Variants in MED30 observed in about 807,000 individuals in gnomAD.
MED30 encodes mediator complex subunit 30, also known as mediator of RNA polymerase II transcription subunit 30.
Under a neutral mutation model 21.7 loss-of-function variants are expected in MED30, and 8 were observed. The observed-to-expected ratio is 0.37, with a 90% CI of 0.22 to 0.67. The LOEUF (loss-of-function observed/expected upper bound fraction) is 0.67. Ranked by LOEUF, MED30 falls within the 30% of genes least tolerant of loss-of-function variation. The pLI is 0.58. For missense variants in MED30, 203 were observed against 228.2 expected (o/e 0.89, Z 0.71); for synonymous variants, 79 against 86.7 (o/e 0.91, Z 0.49).
intron 3 of MED30, among the ~76,000 whole-genome samples, chr8:117,531,720 G>A (rs946808745): frequency 6.6e-6 from 1 of 151,202 alleles, no homozygotes; most frequent in Non-Finnish European, 1.5e-5. Context: ...TTTTCTTTTA[G>A]ATAAATACCC....
At chr8:117,535,792 A>T (rs1818870098) in intron 3 of MED30, among the ~76,000 whole-genome samples, 1 of 152,090 alleles carries the variant, frequency 6.6e-6, no homozygotes, top group African/African-American at 2.4e-5. Flanking sequence ...TTACTAGGTG[A>T]TAGAGTTTTA....
chr8:117,524,101 G>A (rs1350904298), intron 1 of MED30: 1 of 158,066 alleles, frequency 6.3e-6, no homozygotes, highest in Admixed American at 6.1e-5. Flanking sequence ...CAGCTTTTGA[G>A]GGACTATGAT....
At position 117,520,931 on chromosome 8, in the gene MED30, C is replaced by T; in HGVS notation, c.55C>T (p.Pro19Ser). Residue 19 changes from proline to serine, a missense_variant, in exon 1 of 4, where the codon CCC becomes TCC. By Grantham distance (74) the Pro-to-Ser change is moderately conservative (BLOSUM62 -1). Transcript: ENST00000297347. ...GATGGCGCCCGGGCCCTTCGCCGGG[C>T]CCCAGGCTCAGCAGGCCGCCCGGGA... is the stretch of plus-strand genomic sequence containing the variant. ...SGMAPGPFAG[P>S]QAQQAAREVN... The T allele has an allele frequency of 6.2e-7, 1 of 1,611,250 alleles. No homozygotes were observed. The highest frequency in any genetic ancestry group is 8.5e-7 in the Non-Finnish European group (1 of 1,178,898).
intron 3 of MED30, among the ~76,000 whole-genome samples, chr8:117,536,341 T>C (rs1342204789): frequency 6.6e-6 from 1 of 152,302 alleles, no homozygotes; most frequent in East Asian, 1.9e-4. Context: ...GCTTTATAGA[T>C]CTGTGTAATT....
intron 1 of MED30, among the ~76,000 whole-genome samples, chr8:117,526,280 T>A (rs890432579): frequency 3.3e-5 from 5 of 152,004 alleles, no homozygotes; most frequent in Non-Finnish European, 1.5e-5. Context: ...TGTTTCAACA[T>A]TTTTTTCTCT....
At chr8:117,527,253 TC>T (rs149336025) in intron 1 of MED30, among the ~76,000 whole-genome samples, 1 of 152,070 alleles carries the variant, frequency 6.6e-6, no homozygotes, top group African/African-American at 2.4e-5. Flanking sequence ...GGAGGAGAAA[TC>T]TTACATTGTA....
intron 3 of MED30, among the ~76,000 whole-genome samples, chr8:117,537,867 T>C (rs1346594103): frequency 6.6e-6 from 1 of 152,096 alleles, no homozygotes; most frequent in Admixed American, 6.6e-5. Flanking sequence ...CCTTAGATTT[T>C]ATAATCCAAT....
intron 3 of MED30, among the ~76,000 whole-genome samples, chr8:117,533,116 T>A (rs1162514301): frequency 1.3e-5 from 2 of 152,134 alleles, no homozygotes; most frequent in Non-Finnish European, 2.9e-5. Flanking sequence ...TTTTATAATA[T>A]TTTGTAAAAA....
Position 117,528,677 on chromosome 8 carries a change from T to C in MED30, c.204T>C (p.Thr68=). The change falls in exon 2 of 4, where the codon ACT becomes ACC. Residue 68 remains threonine, a synonymous_variant. Coordinates refer to ENST00000297347, the MANE Select transcript of MED30 (RefSeq NM_080651.4). The part of the protein sequence containing the change: ...MQLPNGVTYH[T]GTYQDRLTKL... ...TGCCAAATGGTGTCACTTACCACACTGGAACATATCAAGACCGGTTAACAA... is the reference window on the plus strand; with the variant it reads ...TGCCAAATGGTGTCACTTACCACACCGGAACATATCAAGACCGGTTAACAA... 3 of 1,604,314 alleles carry C rather than the reference T, an allele frequency of 1.9e-6. No individual in the cohort carries two copies. The highest frequency in any genetic ancestry group is 2.7e-5 in the African/African-American group (2 of 74,518).
At chr8:117,526,891 G>C (rs1333626194) in intron 1 of MED30, among the ~76,000 whole-genome samples, 3 of 151,956 alleles carry the variant, frequency 2.0e-5, no homozygotes, top group Non-Finnish European at 1.5e-5. Context: ...CTTTATGACA[G>C]TATTTATCAA....
chr8:117,536,559 G>T (rs748479915), intron 3 of MED30, among the ~76,000 whole-genome samples: 2 of 152,038 alleles, frequency 1.3e-5, no homozygotes, highest in African/African-American at 4.8e-5. Flanking sequence ...CTATTTAGTC[G>T]TTATGGTCTG....
At chr8:117,539,692 A>G (rs891250683) in intron 3 of MED30, among the ~76,000 whole-genome samples, 191 bp from the exon 4 acceptor site, 3 of 152,220 alleles carry the variant, frequency 2.0e-5, no homozygotes, top group Non-Finnish European at 4.4e-5. Context: ...TGCAGGCTGG[A>G]TTTTTAGAAT....
rs1818953205 is a variant in MED30 at position 117,540,028 on chromosome 8, C to T, written c.*50C>T. ...ACACATGTTATACCATTGTTTTTTC[C>T]CTCAAGTATTTTTTCCCTGTGAAGA... On this transcript the variant is annotated 3_prime_UTR_variant, in exon 4 of 4. Coordinates refer to ENST00000297347, the MANE Select transcript of MED30 (RefSeq NM_080651.4). 2 of 1,084,632 alleles carry T rather than the reference C, an allele frequency of 1.8e-6. No individual in the cohort carries two copies. The highest frequency in any genetic ancestry group is 2.1e-4 in the Middle Eastern group (1 of 4,754). The allele number at this position is 1,084,632 out of a possible 1,614,324, so 67.2% of individuals were successfully genotyped here.
intron 3 of MED30, among the ~76,000 whole-genome samples, chr8:117,536,556 G>C (rs912225338): frequency 4.6e-5 from 7 of 152,058 alleles, no homozygotes; most frequent in Non-Finnish European, 7.4e-5. Context: ...TTACTATTTA[G>C]TCGTTATGGT....
At chr8:117,523,812 G>C in intron 1 of MED30, 2 of 625,950 alleles carry the variant, frequency 3.2e-6, no homozygotes, top group Non-Finnish European at 5.4e-6. Flanking sequence ...TTCGAGACCA[G>C]CCTAGCCAAC....
intron 3 of MED30, among the ~76,000 whole-genome samples, chr8:117,536,765 A>G (rs1818884659): frequency 6.6e-6 from 1 of 152,174 alleles, no homozygotes; most frequent in Non-Finnish European, 1.5e-5. Context: ...CCAAATACCC[A>G]TTTAAAGGAT....
chr8:117,539,979 G>A lies in MED30; in HGVS notation c.*1G>A. 1 of 1,565,938 alleles carries A rather than the reference G, an allele frequency of 6.4e-7. No individual in the cohort carries two copies. On this transcript the variant is annotated 3_prime_UTR_variant, in exon 4 of 4. Transcript: ENST00000297347. ...TGCCATGTTGGCAATGAGGAACTAA[G>A]CTGATATTTAAATTTCCTGCTTTAC...
intron 1 of MED30, among the ~76,000 whole-genome samples, chr8:117,522,661 CT>C (rs201678331): frequency 2.5e-4 from 37 of 148,150 alleles, no homozygotes; most frequent in African/African-American, 8.4e-4. Context: ...CTGGTCAAGA[CT>C]TTTTTTTTCG....
chr8:117,532,204 C>T (rs1246433734), intron 3 of MED30, among the ~76,000 whole-genome samples: 2 of 151,836 alleles, frequency 1.3e-5, no homozygotes, highest in East Asian at 3.9e-4. Flanking sequence ...AATACAGTAA[C>T]AATCCAAATC....
Sources: allele counts gnomAD v4.1 joint callset (sites outside exome capture counted in the v4.1 genomes callset), GRCh38; gene constraint gnomAD v4.1.1; transcripts MANE v1.5; gene names NCBI Gene and HGNC (gene_info 2026-07-23, HGNC 2026-07-21).